The following C16orf74 variants were observed in gnomAD, a reference collection of about 807,000 sequenced individuals.
The protein encoded by C16orf74 is uncharacterized protein C16orf74.
A neutral mutation model predicts 6.5 loss-of-function variants in C16orf74; 10 were observed. The ratio of observed to expected loss-of-function variants is 1.54; its 90% CI spans 0.95 to 2.61. C16orf74 has a LOEUF of 2.61. Among genes scored for constraint, C16orf74 ranks in the 30% most tolerant of loss-of-function variants. The probability of loss-of-function intolerance (pLI) is 0.00; values close to 1 mark genes in which losing one functional copy is unlikely to be tolerated. For missense variants in C16orf74, 141 were observed against 105.9 expected (o/e 1.33, Z -1.45); for synonymous variants, 60 against 42.5 (o/e 1.41, Z -1.60).
chr16:85,728,385 A>G (rs1307642240), intron 2 of C16orf74, among the ~76,000 whole-genome samples: 1 of 152,180 alleles, frequency 6.6e-6, no homozygotes, highest in Non-Finnish European at 1.5e-5. Flanking sequence ...CCAACCCAGG[A>G]CAAAGCCTTC....
chr16:85,720,811 G>A lies in C16orf74; in HGVS notation c.29-10504C>T, dbSNP rs150526001. On this transcript the variant is annotated intron_variant, in intron 2 of 3. Coordinates refer to ENST00000284245, the MANE Select transcript of C16orf74 (RefSeq NM_206967.3). Reference sequence around the variant, plus strand: ...AAAAAAGCGGTTGGGGGTGGCGCTGGGCGTGGCGGCTCATGCTTGTAATCC... The same window carrying A: ...AAAAAAGCGGTTGGGGGTGGCGCTGAGCGTGGCGGCTCATGCTTGTAATCC... Among the ~76,000 whole-genome samples the A allele has an allele frequency of 7.3e-5, 11 of 151,562 alleles. No homozygotes were observed. In the East Asian group the frequency reaches 2.1e-3, roughly 29 times the overall value.
intron 1 of C16orf74, among the ~76,000 whole-genome samples, chr16:85,742,702 C>T (rs544431997): frequency 8.1e-4 from 123 of 152,186 alleles, no homozygotes; most frequent in African/African-American, 2.8e-3. Context: ...CCACCACACC[C>T]GGCTAATTTT....
chr16:85,733,763 A>G (rs1260415946), intron 2 of C16orf74, among the ~76,000 whole-genome samples: 1 of 152,074 alleles, frequency 6.6e-6, no homozygotes, highest in Non-Finnish European at 1.5e-5. Context: ...GTCAGCCTGG[A>G]GTCTCAGAGG....
intron 2 of C16orf74, among the ~76,000 whole-genome samples, chr16:85,714,132 C>T (rs2053996137): frequency 6.6e-6 from 1 of 152,132 alleles, no homozygotes. Context: ...TTTTCACAGA[C>T]AAGCGCAAGG....
chr16:85,723,241 C>G (rs1429538523), intron 2 of C16orf74, among the ~76,000 whole-genome samples: 1 of 115,286 alleles, frequency 8.7e-6, no homozygotes, highest in Non-Finnish European at 1.7e-5. Context: ...GCCTGGGCAA[C>G]AGAGCAAGAC....
At chr16:85,708,340 C>G (rs2053934209) in intron 3 of C16orf74, among the ~76,000 whole-genome samples, 1 of 152,190 alleles carries the variant, frequency 6.6e-6, no homozygotes, top group East Asian at 1.9e-4. Flanking sequence ...TATGCCCCCA[C>G]TGGTCCTGGG....
intron 2 of C16orf74, among the ~76,000 whole-genome samples, chr16:85,720,484 A>G (rs2054071170): frequency 6.6e-6 from 1 of 152,178 alleles, no homozygotes; most frequent in Non-Finnish European, 1.5e-5. Context: ...GGCCAGGTCC[A>G]GGGTCGGGCA....
At chr16:85,739,991 CCT>C (rs2054285544) in intron 1 of C16orf74, among the ~76,000 whole-genome samples, 1 of 150,666 alleles carries the variant, frequency 6.6e-6, no homozygotes, top group African/African-American at 2.4e-5. Flanking sequence ...GGGTGGATCG[CCT>C]GAGGTCAGGA....
chr16:85,711,490 G>A lies in C16orf74; in HGVS notation c.29-1183C>T, dbSNP rs146382771. 6.6e-3 allele frequency among the ~76,000 whole-genome samples: 998 copies of A among 151,736 alleles called. 13 individuals are homozygous for A. Among genetic ancestry groups the A allele is most frequent in the African/African-American group, 0.023 (943 of 41,386 alleles). On this transcript the variant is annotated intron_variant, in intron 2 of 3. Transcript: ENST00000284245. ...AAAAAAAAATTAGCTGGGCATGGTG[G>A]TATGCGCCTGTAATCCCAGCTACTC...
intron 2 of C16orf74, among the ~76,000 whole-genome samples, chr16:85,727,956 C>G (rs1162569569): frequency 1.5e-5 from 2 of 134,848 alleles, no homozygotes; most frequent in East Asian, 4.3e-4. Context: ...AGCGAGACCC[C>G]TTCTCTACAA....
chr16:85,750,636 G>A (rs926161632), intron 1 of C16orf74, among the ~76,000 whole-genome samples: 1 of 152,182 alleles, frequency 6.6e-6, no homozygotes, highest in East Asian at 1.9e-4. Flanking sequence ...GTGGCCTGTG[G>A]TGAGTGGGGG....
At chr16:85,724,989 C>T (rs995809481) in intron 2 of C16orf74, among the ~76,000 whole-genome samples, 3 of 152,246 alleles carry the variant, frequency 2.0e-5, no homozygotes, top group Admixed American at 6.5e-5. Context: ...AATGGCGCTT[C>T]GTCTCCCACC....
At chr16:85,740,589 C>T (rs529630451) in intron 1 of C16orf74, among the ~76,000 whole-genome samples, 3 of 151,130 alleles carry the variant, frequency 2.0e-5, no homozygotes, top group African/African-American at 4.9e-5. Flanking sequence ...CTACTAGAGA[C>T]GCTGAGGCAG....
chr16:85,714,867 A>G (rs908602285), intron 2 of C16orf74, among the ~76,000 whole-genome samples: 9 of 151,672 alleles, frequency 5.9e-5, no homozygotes, highest in Non-Finnish European at 8.8e-5. Context: ...TAAAGAAGAG[A>G]ACATTTCAGC....
intron 1 of C16orf74, among the ~76,000 whole-genome samples, chr16:85,748,193 G>C (rs1395385972): frequency 2.0e-5 from 3 of 150,362 alleles, no homozygotes; most frequent in African/African-American, 7.4e-5. Flanking sequence ...TACATACATT[G>C]GTTTCATCTG....
intron 1 of C16orf74, among the ~76,000 whole-genome samples, chr16:85,739,361 C>G (rs1400572977): frequency 6.6e-6 from 1 of 152,128 alleles, no homozygotes; most frequent in Non-Finnish European, 1.5e-5. Flanking sequence ...TGATCACAGC[C>G]CACCCGGTGG....
At chr16:85,709,142 G>T (rs1244378291) in intron 3 of C16orf74, among the ~76,000 whole-genome samples, 1 of 152,234 alleles carries the variant, frequency 6.6e-6, no homozygotes, top group East Asian at 1.9e-4. Flanking sequence ...ATCACCTGAG[G>T]TCAGGAGTTT....
rs530389839 is a variant in C16orf74, at chr16:85,729,876, C to T, written c.28+5314G>A. 4.3e-4 allele frequency among the ~76,000 whole-genome samples: 66 copies of T among 152,176 alleles called. 1 individual carries two copies. The highest frequency in any genetic ancestry group is 3.7e-3 in the South Asian group (18 of 4,822). On this transcript the variant is annotated intron_variant, in intron 2 of 3. Coordinates refer to ENST00000284245, the MANE Select transcript of C16orf74 (RefSeq NM_206967.3). ...GGAGGGAGGGCGGCCCTGCCAGGGCCGATTTCAGAACAATGAGAGAATAAA... is the reference window on the plus strand; with the variant it reads ...GGAGGGAGGGCGGCCCTGCCAGGGCTGATTTCAGAACAATGAGAGAATAAA...
chr16:85,719,459 T>C (rs1304948709), intron 2 of C16orf74, among the ~76,000 whole-genome samples: 1 of 152,056 alleles, frequency 6.6e-6, no homozygotes, highest in African/African-American at 2.4e-5. Flanking sequence ...ACTGTGTGAG[T>C]GCCTCTGGGC....
Sources: allele counts gnomAD v4.1 joint callset (sites outside exome capture counted in the v4.1 genomes callset), GRCh38; gene constraint gnomAD v4.1.1; transcripts MANE v1.5; gene names NCBI Gene and HGNC (gene_info 2026-07-23, HGNC 2026-07-21).